RASA1: variants seen among roughly 807,000 people sequenced by gnomAD.
The protein encoded by RASA1 is RAS p21 protein activator 1.
Under a neutral mutation model 132.2 loss-of-function variants are expected in RASA1, and 25 were observed. That is an observed-to-expected ratio of 0.19 (90% CI 0.14 to 0.26). The LOEUF is 0.26. RASA1 is among the 10% of genes least tolerant of loss of function. The pLI is 1.00. For missense variants in RASA1, 964 were observed against 1,299.2 expected (o/e 0.74, Z 3.97); for synonymous variants, 477 against 449.9 (o/e 1.06, Z -0.76).
chr5:87,346,273 G>C (rs1263590802), intron 6 of RASA1, among the ~76,000 whole-genome samples: 2 of 151,872 alleles, frequency 1.3e-5, no homozygotes, highest in East Asian at 3.9e-4. Context: ...GAATTTATCA[G>C]ATGTTATAGG....
At chr5:87,322,316 A>G (rs1297768873) in intron 1 of RASA1, among the ~76,000 whole-genome samples, 1 of 152,178 alleles carries the variant, frequency 6.6e-6, no homozygotes, top group Non-Finnish European at 1.5e-5. Flanking sequence ...CAGCAGCATT[A>G]GATTTTCACA....
At position 87,280,925 on chromosome 5, in the gene RASA1, TC is replaced by T. The variant is rs1167978888; in HGVS notation, c.539+11936del. Among the ~76,000 whole-genome samples the T allele has an allele frequency of 1.9e-3, 293 of 150,656 alleles. 3 individuals are homozygous for T. The highest frequency in any genetic ancestry group is 6.7e-3 in the African/African-American group (279 of 41,394). ...CGCCTGCCACCACGCCTGGCTAATT[TC>T]TTTTTTTTTTTTTGAGGCTGAATAA... On this transcript the variant is annotated intron_variant, in intron 1 of 24. Transcript: ENST00000274376.
intron 17 of RASA1, among the ~76,000 whole-genome samples, 166 bp from the exon 18 acceptor site, chr5:87,378,226 AGTCT>A (rs1761454888): frequency 6.6e-6 from 1 of 152,226 alleles, no homozygotes. Flanking sequence ...TACAGAGTTA[AGTCT>A]GTAGAAGTAT....
chr5:87,268,228 TG>T lies in RASA1; in HGVS notation c.-221del. On this transcript the variant is annotated 5_prime_UTR_variant, in exon 1 of 25. Coordinates refer to ENST00000274376, the MANE Select transcript of RASA1 (RefSeq NM_002890.3). ...GTTTGGGTGGCGTTTGTGCAGGCGT[TG>T]GGTTTTTTGCCCACTTGGCTTCCCG... 1 of 610,476 alleles carries T rather than the reference TG, an allele frequency of 1.6e-6. No individual in the cohort carries two copies. The highest frequency in any genetic ancestry group is 2.8e-6 in the Non-Finnish European group (1 of 358,398). The allele number at this position is 610,476 out of a possible 1,614,324, so 37.8% of individuals were successfully genotyped here.
chr5:87,377,012 A>T lies in RASA1; in HGVS notation c.2316A>T (p.Thr772=). The change falls in exon 17 of 25, where the codon ACA becomes ACT. Residue 772 remains threonine, a synonymous_variant. Coordinates refer to ENST00000274376, the MANE Select transcript of RASA1 (RefSeq NM_002890.3). ...AGCTTGAATCGTTGTTGTTATGCACACTAAATGACAGAGAAATAAGCATGG... is the reference window on the plus strand; with the variant it reads ...AGCTTGAATCGTTGTTGTTATGCACTCTAAATGACAGAGAAATAAGCATGG... ...HEKLESLLLC[T]LNDREISMED... The T allele has an allele frequency of 6.2e-7, 1 of 1,613,882 alleles. No homozygotes were observed. The highest frequency in any genetic ancestry group is 8.5e-7 in the Non-Finnish European group (1 of 1,179,806).
intron 6 of RASA1, among the ~76,000 whole-genome samples, chr5:87,343,886 T>A (rs1758658066): frequency 6.6e-6 from 1 of 152,104 alleles, no homozygotes; most frequent in African/African-American, 2.4e-5. Context: ...TATTCAGCCA[T>A]AAACAAGAAT....
chr5:87,352,363 T>G (rs1351685183), intron 8 of RASA1, among the ~76,000 whole-genome samples: 1 of 151,596 alleles, frequency 6.6e-6, no homozygotes, highest in Non-Finnish European at 1.5e-5. Flanking sequence ...ACAAAATCTG[T>G]CTGGAGAAGT....
At chr5:87,371,819 T>A (rs1432464634) in intron 12 of RASA1, among the ~76,000 whole-genome samples, 2 of 152,174 alleles carry the variant, frequency 1.3e-5, no homozygotes, top group Non-Finnish European at 2.9e-5. Context: ...GGAGAAATAG[T>A]TTCTTTAATG....
At chr5:87,274,077 A>C (rs1487994479) in intron 1 of RASA1, among the ~76,000 whole-genome samples, 1 of 152,150 alleles carries the variant, frequency 6.6e-6, no homozygotes, top group East Asian at 1.9e-4. Context: ...CCTGGTGGCC[A>C]TTCCTGCTTG....
At chr5:87,325,529 T>C (rs1428956799) in intron 1 of RASA1, among the ~76,000 whole-genome samples, 1 of 152,200 alleles carries the variant, frequency 6.6e-6, no homozygotes, top group East Asian at 1.9e-4. Flanking sequence ...CTTCAGAAGT[T>C]TGTAGTATGA....
chr5:87,335,306 G>C (rs1316817745), intron 4 of RASA1, among the ~76,000 whole-genome samples: 1 of 151,586 alleles, frequency 6.6e-6, no homozygotes, highest in African/African-American at 2.4e-5. Flanking sequence ...GACAAAATTT[G>C]AGTTTTGAGT....
intron 10 of RASA1, 30 bp downstream of exon 10, chr5:87,362,701 T>C: frequency 6.3e-7 from 1 of 1,593,074 alleles, no homozygotes; most frequent in South Asian, 1.1e-5. Context: ...ATTAACCCAT[T>C]TGATAGAGAC....
chr5:87,336,626 A>T (rs761723565), intron 4 of RASA1, among the ~76,000 whole-genome samples: 3 of 152,136 alleles, frequency 2.0e-5, no homozygotes, highest in Non-Finnish European at 4.4e-5. Context: ...TTTTTGCACC[A>T]TGAAAAGTTG....
In RASA1 at chr5:87,269,911, T is replaced by TA. The variant is rs1219633018; in HGVS notation, c.539+922dup. 1.1e-4 allele frequency among the ~76,000 whole-genome samples: 16 copies of TA among 152,230 alleles called. No homozygotes were observed. In the East Asian group the frequency reaches 2.9e-3, roughly 28 times the overall value. On this transcript the variant is annotated intron_variant, in intron 1 of 24. Coordinates refer to ENST00000274376, the MANE Select transcript of RASA1 (RefSeq NM_002890.3). ...GGAAGTGTTATTAGGCAAAACTTGTTATAGATTTCTCATATAACCCTTAAT... is the reference window on the plus strand; with the variant it reads ...GGAAGTGTTATTAGGCAAAACTTGTTAATAGATTTCTCATATAACCCTTAAT...
chr5:87,353,308 C>T (rs918023140), intron 9 of RASA1, 73 bp downstream of exon 9: 1 of 1,167,808 alleles, frequency 8.6e-7, no homozygotes, highest in African/African-American at 1.5e-5. Flanking sequence ...TGTTTTTGCA[C>T]ACATTTGTAC....
Position 87,268,672 on chromosome 5 carries a change from C to A in RASA1, c.221C>A (p.Ala74Asp). ...GAALGSEFLGAGSVAGALGGA... is the reference protein window; with the variant it reads ...GAALGSEFLGDGSVAGALGGA... ...GCTTTGGGGTCAGAGTTCCTAGGAG[C>A]CGGGTCTGTGGCAGGGGCACTGGGG... The change falls in exon 1 of 25, where the codon GCC becomes GAC. Residue 74 changes from alanine (A) to aspartate (D), a missense_variant. By Grantham distance (126) the Ala-to-Asp change is moderately radical. Transcript: ENST00000274376. 1 of 1,611,152 alleles carries A rather than the reference C, an allele frequency of 6.2e-7. No homozygotes were observed. The highest frequency in any genetic ancestry group is 8.5e-7 in the Non-Finnish European group (1 of 1,178,874).
At chr5:87,275,372 G>A (rs536264254) in intron 1 of RASA1, among the ~76,000 whole-genome samples, 3 of 152,318 alleles carry the variant, frequency 2.0e-5, no homozygotes, top group Admixed American at 2.0e-4. Context: ...AAACAATTGT[G>A]TATTTGCCCT....
At chr5:87,366,504 CAAGA>C (rs1430028974) in intron 11 of RASA1, 2 of 202,782 alleles carry the variant, frequency 9.9e-6, no homozygotes, top group African/African-American at 4.6e-5. Flanking sequence ...TGGTTAGTAA[CAAGA>C]AAGGAGTTTC....
chr5:87,293,969 G>A (rs564904043), intron 1 of RASA1, among the ~76,000 whole-genome samples: 9 of 151,800 alleles, frequency 5.9e-5, no homozygotes, highest in African/African-American at 1.9e-4. Context: ...GTCTTTTTTT[G>A]TAAGTCTGGC....
Sources: allele counts gnomAD v4.1 joint callset (sites outside exome capture counted in the v4.1 genomes callset), GRCh38; gene constraint gnomAD v4.1.1; transcripts MANE v1.5; gene names NCBI Gene and HGNC (gene_info 2026-07-23, HGNC 2026-07-21).